Variants in TCF7L1 observed in about 807,000 individuals in gnomAD.
The protein encoded by TCF7L1 is transcription factor 7-like 1.
TCF7L1 carries 18 observed loss-of-function variants against 63.7 expected under a neutral mutation model. The ratio of observed to expected loss-of-function variants is 0.28; its 90% CI spans 0.20 to 0.42. TCF7L1 has a LOEUF of 0.42. Among genes scored for constraint, TCF7L1 ranks in the 10% least tolerant of loss-of-function variants. The probability of loss-of-function intolerance (pLI) is 1.00; values close to 1 mark genes in which losing one functional copy is unlikely to be tolerated. For synonymous variants in TCF7L1, 355 were observed against 340.9 expected (o/e 1.04, Z -0.46); for missense variants, 654 against 779.3 (o/e 0.84, Z 1.91).
chr2:85,215,451 G>C (rs568011390), intron 3 of TCF7L1, among the ~76,000 whole-genome samples: 2 of 152,326 alleles, frequency 1.3e-5, no homozygotes, highest in African/African-American at 4.8e-5. Context: ...CCTACAGTTG[G>C]GTGGGCTCCA....
chr2:85,137,754 G>T (rs879364314), intron 3 of TCF7L1, among the ~76,000 whole-genome samples: 1 of 152,062 alleles, frequency 6.6e-6, no homozygotes, highest in East Asian at 1.9e-4. Context: ...TTAGCCAGGC[G>T]TGCTGGCGAG....
chr2:85,164,038 G>A (rs533335050), intron 3 of TCF7L1, among the ~76,000 whole-genome samples: 2 of 152,210 alleles, frequency 1.3e-5, no homozygotes, highest in South Asian at 4.2e-4. Flanking sequence ...GGGTGTATGA[G>A]GGGGATTCAA....
At chr2:85,304,504 G>C (rs1468879562) in intron 7 of TCF7L1, 166 bp downstream of exon 7, 2 of 644,242 alleles carry the variant, frequency 3.1e-6, no homozygotes, top group East Asian at 2.8e-5. Context: ...CCCACCCCCA[G>C]GTCAGAATGG....
At chr2:85,235,044 G>A (rs1173346212) in intron 3 of TCF7L1, among the ~76,000 whole-genome samples, 1 of 152,158 alleles carries the variant, frequency 6.6e-6, no homozygotes, top group Non-Finnish European at 1.5e-5. Flanking sequence ...TGGGCTCCCA[G>A]TAATAGCTCA....
intron 3 of TCF7L1, among the ~76,000 whole-genome samples, chr2:85,234,828 G>A (rs1000458042): frequency 2.0e-5 from 3 of 152,222 alleles, no homozygotes; most frequent in Admixed American, 6.5e-5. Context: ...GTGTGCAGAT[G>A]TTGGCATCAT....
In TCF7L1 at chr2:85,134,309, G is replaced by A. The variant is rs771738663; in HGVS notation, c.314-14G>A. The A allele has an allele frequency of 6.3e-7, 1 of 1,576,792 alleles. No homozygotes were observed. The highest frequency in any genetic ancestry group is 8.6e-7 in the Non-Finnish European group (1 of 1,160,708). On this transcript the variant is annotated splice_polypyrimidine_tract_variant and intron_variant, in intron 2 of 11. Transcript: ENST00000282111. The surrounding 1 kb of genome is among the most constrained non-coding windows in gnomAD (Gnocchi z 5.0). ...GGGGGCCTGGGCCTCACCTCGCCTT[G>A]GTCTTGTTCGCAGTGAGAAGGCCTC...
At chr2:85,181,005 G>A (rs141862076) in intron 3 of TCF7L1, among the ~76,000 whole-genome samples, 163 of 152,334 alleles carry the variant, frequency 1.1e-3, no homozygotes, top group African/African-American at 3.9e-3. Context: ...GACTGGAGCA[G>A]TCAACTGTTT....
intron 3 of TCF7L1, among the ~76,000 whole-genome samples, chr2:85,210,129 G>C (rs957894476): frequency 9.2e-5 from 14 of 152,166 alleles, no homozygotes; most frequent in African/African-American, 3.4e-4. Flanking sequence ...CCAGCCCTGG[G>C]TGAGGCCCCA....
intron 3 of TCF7L1, among the ~76,000 whole-genome samples, chr2:85,139,604 T>C (rs543032883): frequency 1.3e-5 from 2 of 152,328 alleles, no homozygotes; most frequent in Admixed American, 1.3e-4. Flanking sequence ...TAAAACTCAG[T>C]CATTCTTTAA....
chr2:85,281,411 G>C (rs1270792972), intron 3 of TCF7L1, among the ~76,000 whole-genome samples: 1 of 152,204 alleles, frequency 6.6e-6, no homozygotes, highest in East Asian at 1.9e-4. Context: ...GTGTGAAAAT[G>C]CTTTGACAAG....
intron 3 of TCF7L1, among the ~76,000 whole-genome samples, chr2:85,243,082 G>A (rs1389405633): frequency 6.6e-6 from 1 of 152,198 alleles, no homozygotes; most frequent in African/African-American, 2.4e-5. Flanking sequence ...TGCAGGATTG[G>A]TAGGCATTCA....
intron 3 of TCF7L1, among the ~76,000 whole-genome samples, chr2:85,170,059 G>A (rs1486711063): frequency 3.3e-5 from 5 of 152,346 alleles, no homozygotes; most frequent in African/African-American, 1.2e-4. Flanking sequence ...AGCATGACAA[G>A]ATAGCCTTGA....
Position 85,134,369 on chromosome 2 carries a change from TGGG to T in TCF7L1, c.361_363del (p.Gly121del). Reference sequence around the variant, plus strand: ...CGTTCTTTAAAGGACCCCCGTACCCTGGGTACCCCTTCCTGATGATCCCGGACC... The same window carrying T: ...CGTTCTTTAAAGGACCCCCGTACCCTTACCCCTTCCTGATGATCCCGGACC... On this transcript the variant is annotated inframe_deletion, in exon 3 of 12. Transcript: ENST00000282111. The surrounding 1 kb of genome is among the most constrained non-coding windows in gnomAD (Gnocchi z 5.0). 1.9e-6 allele frequency: 3 copies of T among 1,581,140 alleles called. No homozygotes were observed. Among genetic ancestry groups the T allele is most frequent in the Non-Finnish European group, 2.6e-6 (3 of 1,162,852 alleles).
intron 3 of TCF7L1, among the ~76,000 whole-genome samples, chr2:85,261,126 G>GTC (rs1680848700): frequency 9.4e-6 from 1 of 106,828 alleles, no homozygotes; most frequent in Admixed American, 1.1e-4. Flanking sequence ...TATTGCTGGT[G>GTC]TGTGTGTGTG....
At chr2:85,143,150 G>A (rs1677784549) in intron 3 of TCF7L1, among the ~76,000 whole-genome samples, 1 of 152,164 alleles carries the variant, frequency 6.6e-6, no homozygotes. Flanking sequence ...CTCTCAAACT[G>A]TGTCACAGCA....
At chr2:85,171,649 G>A (rs1678547080) in intron 3 of TCF7L1, among the ~76,000 whole-genome samples, 1 of 152,206 alleles carries the variant, frequency 6.6e-6, no homozygotes, top group Admixed American at 6.5e-5. Context: ...AGAAATAGTT[G>A]ATGGTTAGCA....
chr2:85,169,285 CT>C (rs1391975784), intron 3 of TCF7L1, among the ~76,000 whole-genome samples: 3 of 151,952 alleles, frequency 2.0e-5, no homozygotes, highest in South Asian at 2.1e-4. Flanking sequence ...ACTCTACCCC[CT>C]AGCATGCTGG....
At chr2:85,227,681 A>T (rs1249528917) in intron 3 of TCF7L1, among the ~76,000 whole-genome samples, 1 of 152,096 alleles carries the variant, frequency 6.6e-6, no homozygotes, top group African/African-American at 2.4e-5. Context: ...TATATGGCTC[A>T]TTTCCCATCC....
chr2:85,292,641 A>G (rs1681753781), intron 4 of TCF7L1, among the ~76,000 whole-genome samples: 2 of 152,002 alleles, frequency 1.3e-5, no homozygotes, highest in East Asian at 1.9e-4. Flanking sequence ...CAGTGGCACA[A>G]TCTTGGCTCA....
Sources: allele counts gnomAD v4.1 joint callset (sites outside exome capture counted in the v4.1 genomes callset), GRCh38; gene constraint gnomAD v4.1.1; non-coding constraint Gnocchi (gnomAD v3.1); transcripts MANE v1.5; gene names NCBI Gene and HGNC (gene_info 2026-07-23, HGNC 2026-07-21).